NUFIP2: variants seen among roughly 807,000 people sequenced by gnomAD.
NUFIP2 encodes the protein nuclear FMR1 interacting protein 2.
NUFIP2 carries 6 observed loss-of-function variants against 56.9 expected under a neutral mutation model. That is an observed-to-expected ratio of 0.11 (90% CI 0.06 to 0.21). The LOEUF is 0.21. Among genes scored for constraint, NUFIP2 ranks in the 10% least tolerant of loss-of-function variants. NUFIP2 has a pLI of 1.00. For synonymous variants in NUFIP2, 321 were observed against 298.2 expected, an observed-to-expected ratio of 1.08 and a Z score of -0.79; for missense variants, 828 against 826.8, an observed-to-expected ratio of 1.00 and a Z score of -0.02.
chr17:29,282,375 C>G (rs1377536951), intron 2 of NUFIP2, among the ~76,000 whole-genome samples: 1 of 151,610 alleles, frequency 6.6e-6, no homozygotes, highest in African/African-American at 2.4e-5. Context: ...ACGGTAAAAC[C>G]CTGTCTCTAC....
rs993584930 is a variant in NUFIP2, at chr17:29,263,522, G to C, written c.*1017C>G. 2.0e-5 allele frequency: 3 copies of C among 152,462 alleles called. No individual in the cohort carries two copies. Among genetic ancestry groups the C allele is most frequent in the Non-Finnish European group, 4.4e-5 (3 of 68,014 alleles). The allele number at this position is 152,462 out of a possible 1,614,324, so 9.4% of individuals were successfully genotyped here. A position where few individuals can be genotyped will look rare whatever the true frequency, so the allele number is the denominator to read the frequency against. The stretch of plus-strand genomic sequence containing the variant: ...TTCTTCCCCTTTTAGATTTTGCTGA[G>C]AAATTAAAAGATAATTTACAGAAAG... On this transcript the variant is annotated 3_prime_UTR_variant, in exon 4 of 4. Transcript: ENST00000225388.
intron 1 of NUFIP2, among the ~76,000 whole-genome samples, chr17:29,288,798 T>C (rs186996324): frequency 6.6e-6 from 1 of 152,306 alleles, no homozygotes; most frequent in East Asian, 1.9e-4. Context: ...TGAGAAAATA[T>C]TTACTAACAA....
In NUFIP2 at chr17:29,286,046, T is replaced by G; in HGVS notation, c.1948A>C (p.Asn650His). The G allele has an allele frequency of 6.2e-7, 1 of 1,614,134 alleles. No homozygotes were observed. The highest frequency in any genetic ancestry group is 8.5e-7 in the Non-Finnish European group (1 of 1,179,962). Residue 650 changes from asparagine (N) to histidine (H), a missense_variant, in exon 2 of 4, where the codon AAT becomes CAT. Asn to His is a moderately conservative substitution (Grantham distance 68). This residue lies in a region of NUFIP2 where 404 missense variants were observed against 380.3 expected (regional missense o/e 1.06). Coordinates refer to ENST00000225388, the MANE Select transcript of NUFIP2 (RefSeq NM_020772.3). ...AGGTCAAAAGAACCCCAGCTATCAT[T>G]CCTTTCTAGGCCTCTCTGGTATCTC... ...EQRYQRGLER[N>H]DSWGSFDLRA...
At position 29,292,884 on chromosome 17, in the gene NUFIP2, G is replaced by C. The variant is rs8066836; in HGVS notation, c.277+899C>G. Among the ~76,000 whole-genome samples, 12 of 141,172 alleles carry C rather than the reference G, an allele frequency of 8.5e-5. 3 individuals carry two copies. In the South Asian group the frequency reaches 1.3e-3, roughly 15 times the overall value. 92.6% of individuals were successfully genotyped at this position (141,172 alleles called of 152,430 possible). On this transcript the variant is annotated intron_variant, in intron 1 of 3. Transcript: ENST00000225388. The stretch of plus-strand genomic sequence containing the variant: ...GTTACACAACCCCGGCCGGCGACGG[G>C]GGGGGGGGCGGCCGCGGTGCGGGGG...
chr17:29,268,780 C>T (rs1253508405), intron 2 of NUFIP2, among the ~76,000 whole-genome samples: 1 of 152,080 alleles, frequency 6.6e-6, no homozygotes, highest in Non-Finnish European at 1.5e-5. Context: ...CCGCCCACCT[C>T]AGCCCCCCAA....
chr17:29,268,543 G>A (rs1214116189), intron 2 of NUFIP2, among the ~76,000 whole-genome samples: 2 of 151,828 alleles, frequency 1.3e-5, no homozygotes, highest in African/African-American at 4.8e-5. Context: ...CCAGCATGGA[G>A]TTTCACTCTT....
At chr17:29,288,420 A>C (rs2069191380) in intron 1 of NUFIP2, among the ~76,000 whole-genome samples, 1 of 152,272 alleles carries the variant, frequency 6.6e-6, no homozygotes, top group Non-Finnish European at 1.5e-5. Context: ...TAATTATTAC[A>C]AGGAAATTAA....
Position 29,293,768 on chromosome 17 carries a change from T to TC in NUFIP2, c.277+14dup. 1 of 1,123,006 alleles carries TC rather than the reference T, an allele frequency of 8.9e-7. No homozygotes were observed. The highest frequency in any genetic ancestry group is 1.5e-5 in the South Asian group (1 of 66,598). The allele number at this position is 1,123,006 out of a possible 1,614,324, so 69.6% of individuals were successfully genotyped here. On this transcript the variant is annotated intron_variant, in intron 1 of 3. Transcript: ENST00000225388. ...ACCCCCAACCCCCTTCCCCCACCCG[T>TC]CCTCCCTCCCAGACCTGTTTTCTTC... is the stretch of plus-strand genomic sequence containing the variant.
rs1009413766 is a variant in NUFIP2, at chr17:29,263,562, T to G, written c.*977A>C. The G allele has an allele frequency of 7.2e-5, 11 of 152,734 alleles. No individual in the cohort carries two copies. The highest frequency in any genetic ancestry group is 2.4e-4 in the African/African-American group (10 of 41,568). The allele number at this position is 152,734 out of a possible 1,614,324, so 9.5% of individuals were successfully genotyped here. A position where few individuals can be genotyped will look rare whatever the true frequency, so the allele number is the denominator to read the frequency against. On this transcript the variant is annotated 3_prime_UTR_variant, in exon 4 of 4. Coordinates refer to ENST00000225388, the MANE Select transcript of NUFIP2 (RefSeq NM_020772.3). ...TTTACAGAAAGGTCTAAGTTTGTCT[T>G]AAATGTTTGATGAAAAACAAGGAAA...
In NUFIP2 at chr17:29,264,590, A is replaced by G. The variant is rs781045101; in HGVS notation, c.2037T>C (p.Asp679=). Reference sequence around the variant, plus strand: ...CATTGTAAGTGATTATCCTTTTGGGATCTAGAAAGGTTAAAAAAATAAATA... The same window carrying G: ...CATTGTAAGTGATTATCCTTTTGGGGTCTAGAAAGGTTAAAAAAATAAATA... ...MESIWNLQKQ[D]PKRIITYNEA... is the part of the protein sequence containing the mutation. Residue 679 remains aspartate, a splice_region_variant and synonymous_variant, in exon 4 of 4, where the codon GAT becomes GAC. Transcript: ENST00000225388. 5.0e-6 allele frequency: 8 copies of G among 1,587,292 alleles called. No individual in the cohort carries two copies. Among genetic ancestry groups the G allele is most frequent in the South Asian group, 2.2e-5 (2 of 90,490 alleles).
intron 3 of NUFIP2, among the ~76,000 whole-genome samples, chr17:29,266,257 G>T (rs1320866835): frequency 6.6e-6 from 1 of 152,034 alleles, no homozygotes; most frequent in African/African-American, 2.4e-5. Context: ...GTGAGCCACC[G>T]TGCCCAGCCT....
intron 2 of NUFIP2, among the ~76,000 whole-genome samples, chr17:29,285,322 G>A (rs1328755858): frequency 1.3e-5 from 2 of 150,032 alleles, no homozygotes; most frequent in South Asian, 2.1e-4. Flanking sequence ...GCAAATGGGT[G>A]TGGTGGCTCA....
Position 29,262,242 on chromosome 17 carries a change from G to T in NUFIP2, c.*2297C>A, listed in dbSNP as rs1462561982. ...GCAAGCAAAATGGACATTTAAAAAA[G>T]GGGACTAGAGAGGGGAATCTGGCCC... is the stretch of plus-strand genomic sequence containing the variant. On this transcript the variant is annotated 3_prime_UTR_variant, in exon 4 of 4. Transcript: ENST00000225388. 1 of 152,528 alleles carries T rather than the reference G, an allele frequency of 6.6e-6. No homozygotes were observed. The highest frequency in any genetic ancestry group is 1.5e-5 in the Non-Finnish European group (1 of 68,006). The allele number at this position is 152,528 out of a possible 1,614,324, so 9.4% of individuals were successfully genotyped here.
chr17:29,282,656 A>C (rs1430857238), intron 2 of NUFIP2, among the ~76,000 whole-genome samples: 1 of 152,112 alleles, frequency 6.6e-6, no homozygotes, highest in Non-Finnish European at 1.5e-5. Flanking sequence ...TCTCTTACCC[A>C]CTATTTCCAA....
Position 29,286,741 on chromosome 17 carries a change from G to A in NUFIP2, c.1253C>T (p.Pro418Leu). The A allele has an allele frequency of 1.2e-6, 2 of 1,614,108 alleles. No homozygotes were observed. The highest frequency in any genetic ancestry group is 1.6e-4 in the Middle Eastern group (1 of 6,062). ...SVTSANFSNG[P>L]VLAGTDGNVY... ...ATTTCCATCAGTCCCTGCTAAAACA[G>A]GCCCATTAGAAAAGTTGGCAGAAGT... Residue 418 changes from proline to leucine, a missense_variant, in exon 2 of 4, where the codon CCT becomes CTT. Physicochemically the swap from Pro to Leu is moderately conservative, Grantham distance 98. Transcript: ENST00000225388.
rs1207157815 is a variant in NUFIP2 at position 29,262,065 on chromosome 17, G to A, written c.*2474C>T. ...GCTTTCTAAAGATGTTTAATCAAGTGTTGCTTCTAAGTTAAAAAGCCCAAT... is the reference window on the plus strand; with the variant it reads ...GCTTTCTAAAGATGTTTAATCAAGTATTGCTTCTAAGTTAAAAAGCCCAAT... On this transcript the variant is annotated 3_prime_UTR_variant, in exon 4 of 4. Transcript: ENST00000225388. The A allele has an allele frequency of 7.2e-5, 11 of 152,236 alleles. No individual in the cohort carries two copies. Among genetic ancestry groups the A allele is most frequent in the Admixed American group, 7.2e-4 (11 of 15,274 alleles). The allele number at this position is 152,236 out of a possible 1,614,324, so 9.4% of individuals were successfully genotyped here.
Position 29,286,343 on chromosome 17 carries a change from T to C in NUFIP2, c.1651A>G (p.Ile551Val). 6.2e-7 allele frequency: 1 copy of C among 1,614,176 alleles called. No homozygotes were observed. The highest frequency in any genetic ancestry group is 8.5e-7 in the Non-Finnish European group (1 of 1,180,024). Reference protein sequence around the residue: ...PATLVSQGAEIIPSGTEHPVF... With the variant: ...PATLVSQGAEVIPSGTEHPVF... The stretch of plus-strand genomic sequence containing the variant: ...GGATGCTCAGTTCCTGAGGGAATTA[T>C]TTCAGCACCCTGTGAAACCAAAGTA... Residue 551 changes from isoleucine to valine, a missense_variant, in exon 2 of 4, where the codon ATA (isoleucine) becomes GTA (valine). Ile to Val is a conservative substitution (Grantham distance 29). Transcript: ENST00000225388.
At chr17:29,269,782 G>A (rs1484385865) in intron 2 of NUFIP2, among the ~76,000 whole-genome samples, 1 of 151,920 alleles carries the variant, frequency 6.6e-6, no homozygotes, top group Non-Finnish European at 1.5e-5. Context: ...GTACAGTGGC[G>A]CGATCTCAGC....
Position 29,259,588 on chromosome 17 carries a change from G to T in NUFIP2, c.*4951C>A, listed in dbSNP as rs2068990242. 1 of 26,880 alleles carries T rather than the reference G, an allele frequency of 3.7e-5. No homozygotes were observed. 1.7% of individuals were successfully genotyped at this position (26,880 alleles called of 1,614,324 possible). A position where few individuals can be genotyped will look rare whatever the true frequency, so the allele number is the denominator to read the frequency against. On this transcript the variant is annotated 3_prime_UTR_variant, in exon 4 of 4. Transcript: ENST00000225388. The stretch of plus-strand genomic sequence containing the variant: ...GACAGTCCGTCTCAAAAAAAAAAAG[G>T]TGGGGGGGGGGGGGATACTGCAGTA...
Sources: allele counts gnomAD v4.1 joint callset (sites outside exome capture counted in the v4.1 genomes callset), GRCh38; gene constraint gnomAD v4.1.1; regional missense constraint gnomAD v4.1.1; transcripts MANE v1.5; gene names NCBI Gene and HGNC (gene_info 2026-07-23, HGNC 2026-07-21).